Variants in PRKAG2 observed in about 807,000 individuals in gnomAD.
The protein encoded by PRKAG2 is protein kinase AMP-activated non-catalytic subunit gamma 2.
A neutral mutation model predicts 69.6 loss-of-function variants in PRKAG2; 26 were observed. That is an observed-to-expected ratio of 0.37 (90% CI 0.27 to 0.52). PRKAG2 has a LOEUF of 0.52. PRKAG2 is among the 20% of genes least tolerant of loss of function. The probability of loss-of-function intolerance (pLI) is 0.90; values close to 1 mark genes in which losing one functional copy is unlikely to be tolerated. For missense variants in PRKAG2, 557 were observed against 740.0 expected (o/e 0.75, Z 2.87); for synonymous variants, 293 against 285.0 (o/e 1.03, Z -0.28).
intron 1 of PRKAG2, among the ~76,000 whole-genome samples, chr7:151,796,225 G>T (rs1015782135): frequency 1.3e-5 from 2 of 152,002 alleles, no homozygotes; most frequent in Non-Finnish European, 2.9e-5. Flanking sequence ...CTGCATAGAC[G>T]GATGGGTCTG....
chr7:151,753,906 C>T lies in PRKAG2; in HGVS notation c.466+27246G>A, dbSNP rs1380775146. On this transcript the variant is annotated intron_variant, in intron 3 of 15. Transcript: ENST00000287878. ...AAAATTAGCCGGGCATGATGGTGCA[C>T]ACCTGTAGTCGCAGCTACTCAGGAG... 3.3e-5 allele frequency among the ~76,000 whole-genome samples: 5 copies of T among 152,228 alleles called. No homozygotes were observed. The East Asian group carries it at 9.7e-4, about 30-fold the overall frequency.
intron 6 of PRKAG2, among the ~76,000 whole-genome samples, chr7:151,581,941 A>G (rs1189467261): frequency 6.6e-6 from 1 of 152,242 alleles, no homozygotes; most frequent in Non-Finnish European, 1.5e-5. Flanking sequence ...CAAACAGGAA[A>G]TAACTGCCTA....
chr7:151,797,056 G>A (rs184338009), intron 1 of PRKAG2, among the ~76,000 whole-genome samples: 81 of 152,186 alleles, frequency 5.3e-4, no homozygotes, highest in Non-Finnish European at 8.4e-4. Context: ...CCCCACACCC[G>A]GCCCGGCCAG....
chr7:151,672,224 C>T (rs2151465588), intron 4 of PRKAG2, among the ~76,000 whole-genome samples: 1 of 152,248 alleles, frequency 6.6e-6, no homozygotes, highest in South Asian at 2.1e-4. Context: ...GCCTCAGCCT[C>T]CCAAGTAGCT....
At chr7:151,730,011 G>T (rs1050365399) in intron 3 of PRKAG2, among the ~76,000 whole-genome samples, 1 of 152,218 alleles carries the variant, frequency 6.6e-6, no homozygotes, top group Non-Finnish European at 1.5e-5. Context: ...TGTTTGCCAG[G>T]GGCTGGGGTC....
chr7:151,688,475 G>A (rs1359267745), intron 3 of PRKAG2, among the ~76,000 whole-genome samples: 1 of 152,210 alleles, frequency 6.6e-6, no homozygotes, highest in Non-Finnish European at 1.5e-5. Flanking sequence ...GAGATGCGGT[G>A]TGGGGAGGGT....
chr7:151,839,012 C>CA (rs749220807), intron 1 of PRKAG2, among the ~76,000 whole-genome samples: 6,439 of 79,894 alleles, frequency 0.081, 326 homozygotes, highest in South Asian at 0.23. Flanking sequence ...GAGACTGTCT[C>CA]AAAAAAAAAA....
rs148922725 is a variant in PRKAG2 at position 151,708,592 on chromosome 7, C to T, written c.467-32955G>A. 2.1e-3 allele frequency among the ~76,000 whole-genome samples: 315 copies of T among 152,274 alleles called. 1 individual carries two copies. Among genetic ancestry groups the T allele is most frequent in the African/African-American group, 7.3e-3 (303 of 41,552 alleles). The stretch of plus-strand genomic sequence containing the variant: ...ATTTGGAGCCAGAGGGTCCTCATGG[C>T]ATGCCTGTAGGGTCCTGGCAAGTGA... On this transcript the variant is annotated intron_variant, in intron 3 of 15. Transcript: ENST00000287878.
At chr7:151,631,750 A>T in intron 5 of PRKAG2, 1 of 469,794 alleles carries the variant, frequency 2.1e-6, no homozygotes, top group Non-Finnish European at 4.2e-6. Context: ...ACAAACAATT[A>T]GCGCTCCCTG....
At chr7:151,776,463 C>T (rs746113587) in intron 3 of PRKAG2, among the ~76,000 whole-genome samples, 8 of 152,180 alleles carry the variant, frequency 5.3e-5, no homozygotes, top group Non-Finnish European at 1.0e-4. Flanking sequence ...AAAAGGCAGC[C>T]GAAAGGAGCC....
intron 4 of PRKAG2, among the ~76,000 whole-genome samples, chr7:151,645,391 C>A (rs953685962): frequency 6.6e-6 from 1 of 152,164 alleles, no homozygotes; most frequent in Admixed American, 6.5e-5. Flanking sequence ...CCTTCCCCAG[C>A]TGAGCCTTCG....
At chr7:151,779,543 G>A (rs960243843) in intron 3 of PRKAG2, among the ~76,000 whole-genome samples, 1 of 152,162 alleles carries the variant, frequency 6.6e-6, no homozygotes, top group Non-Finnish European at 1.5e-5. Flanking sequence ...CACTCCTTTG[G>A]GCACCCTTCC....
At chr7:151,832,256 GAGGGAAGGA>G (rs145113722) in intron 1 of PRKAG2, among the ~76,000 whole-genome samples, 6,606 of 141,118 alleles carry the variant, frequency 0.047, 350 homozygotes, top group African/African-American at 0.12. Context: ...AGGAAGGGAG[GAGGGAAGGA>G]AGGGAGGAGG....
In PRKAG2 at chr7:151,775,188, A is replaced by G. The variant is rs575741050; in HGVS notation, c.466+5964T>C. ...TGCCACAGTCCCCTTTGGATTGCCA[A>G]CTGGACCTCTTATCCTGGAACTTCC... On this transcript the variant is annotated intron_variant, in intron 3 of 15. Coordinates refer to ENST00000287878, the MANE Select transcript of PRKAG2 (RefSeq NM_016203.4). Among the ~76,000 whole-genome samples the G allele has an allele frequency of 3.3e-5, 5 of 152,336 alleles. No homozygotes were observed. The South Asian group carries it at 1.0e-3, about 32-fold the overall frequency.
chr7:151,793,572 T>G (rs1303052395), intron 1 of PRKAG2, among the ~76,000 whole-genome samples: 1 of 152,190 alleles, frequency 6.6e-6, no homozygotes, highest in Non-Finnish European at 1.5e-5. Flanking sequence ...GACCCCGTCC[T>G]GCCCACCTTG....
intron 1 of PRKAG2, among the ~76,000 whole-genome samples, chr7:151,857,497 G>A (rs997460297): frequency 6.6e-6 from 1 of 152,006 alleles, no homozygotes; most frequent in African/African-American, 2.4e-5. Flanking sequence ...GCATTTTCTC[G>A]GGTTGCATGC....
At chr7:151,646,272 G>C (rs1023187415) in intron 4 of PRKAG2, among the ~76,000 whole-genome samples, 8 of 152,136 alleles carry the variant, frequency 5.3e-5, no homozygotes, top group African/African-American at 1.9e-4. Context: ...AGATCAATTT[G>C]GGAAGAAATG....
At chr7:151,597,366 C>A (rs548436009) in intron 5 of PRKAG2, among the ~76,000 whole-genome samples, 1 of 152,046 alleles carries the variant, frequency 6.6e-6, no homozygotes, top group Non-Finnish European at 1.5e-5. Flanking sequence ...TTGGTCTGGG[C>A]AAATATTTTA....
intron 1 of PRKAG2, chr7:151,810,846 TCTCC>T (rs1412788805): frequency 2.6e-5 from 4 of 153,626 alleles, no homozygotes; most frequent in African/African-American, 9.7e-5. Flanking sequence ...TCTTCTGCTC[TCTCC>T]CTACCTCCCC....
Sources: gnomAD v4.1 joint callset for allele counts (sites outside exome capture counted in the v4.1 genomes callset) on GRCh38, gnomAD v4.1.1 for gene constraint, MANE v1.5 for transcripts, NCBI Gene and HGNC (gene_info 2026-07-23, HGNC 2026-07-21) for gene names.